Variants in STX8 observed in about 807,000 individuals in gnomAD.
STX8 encodes syntaxin 8, also known as syntaxin-8.
Under a neutral mutation model 37.5 loss-of-function variants are expected in STX8, and 23 were observed. That is an observed-to-expected ratio of 0.61 (90% CI 0.44 to 0.87). The LOEUF (loss-of-function observed/expected upper bound fraction) is 0.87. Among genes scored for constraint, STX8 ranks in the 40% least tolerant of loss-of-function variants. The pLI is 0.00. For missense variants in STX8, 313 were observed against 284.7 expected (o/e 1.10, Z -0.71); for synonymous variants, 115 against 99.1 (o/e 1.16, Z -0.95).
intron 7 of STX8, among the ~76,000 whole-genome samples, chr17:9,374,792 G>C (rs549472594): frequency 6.6e-6 from 1 of 151,946 alleles, no homozygotes; most frequent in Non-Finnish European, 1.5e-5. Context: ...GGTTGGGCGC[G>C]GTGGCTCACA....
intron 4 of STX8, among the ~76,000 whole-genome samples, chr17:9,533,067 T>C (rs988529100): frequency 2.6e-5 from 4 of 152,248 alleles, no homozygotes; most frequent in Admixed American, 1.3e-4. Flanking sequence ...AGTCAGAAGC[T>C]ACTACTTCTC....
At chr17:9,357,264 G>A (rs913556759) in intron 7 of STX8, among the ~76,000 whole-genome samples, 1 of 151,852 alleles carries the variant, frequency 6.6e-6, no homozygotes, top group African/African-American at 2.4e-5. Context: ...CACTGCGCCC[G>A]GCCCTTCTAA....
chr17:9,375,994 G>A (rs770584826), intron 7 of STX8, among the ~76,000 whole-genome samples: 2 of 152,100 alleles, frequency 1.3e-5, no homozygotes, highest in Non-Finnish European at 2.9e-5. Flanking sequence ...GGGGGAGGTG[G>A]CCAGCACTGG....
rs962138577 is a variant in STX8 at position 9,269,416 on chromosome 17, G to A, written c.644-18771C>T. 3.3e-5 allele frequency among the ~76,000 whole-genome samples: 5 copies of A among 152,280 alleles called. No individual in the cohort carries two copies. In the East Asian group the frequency reaches 9.7e-4, roughly 29 times the overall value. On this transcript the variant is annotated intron_variant, in intron 7 of 7. Transcript: ENST00000306357. ...TGATGGCCACAGCTGAGTGTCAGAG[G>A]TTACATATTAGCATGTTCAAGCCTA... is the stretch of plus-strand genomic sequence containing the variant.
chr17:9,563,395 G>A (rs946272843), intron 2 of STX8, among the ~76,000 whole-genome samples: 5 of 151,938 alleles, frequency 3.3e-5, no homozygotes, highest in African/African-American at 4.8e-5. Context: ...TGTTGGCCAG[G>A]CTTGTCCCAA....
chr17:9,275,461 ACTTCT>A (rs1396137862), intron 7 of STX8, among the ~76,000 whole-genome samples: 1 of 152,120 alleles, frequency 6.6e-6, no homozygotes, highest in Non-Finnish European at 1.5e-5. Context: ...TACACCAGCA[ACTTCT>A]CTTTACTTAG....
chr17:9,520,960 G>A (rs557891153), intron 4 of STX8, among the ~76,000 whole-genome samples: 3 of 152,206 alleles, frequency 2.0e-5, no homozygotes, highest in Non-Finnish European at 2.9e-5. Context: ...TATTTCTGGG[G>A]TGTGAGTGAG....
intron 5 of STX8, among the ~76,000 whole-genome samples, chr17:9,496,145 G>A (rs1250881985): frequency 1.3e-5 from 2 of 150,420 alleles, no homozygotes; most frequent in Non-Finnish European, 2.9e-5. Flanking sequence ...GCATGATCTC[G>A]GCTCACTGTA....
chr17:9,490,040 TA>T (rs2142473203), intron 6 of STX8, among the ~76,000 whole-genome samples: 1 of 152,270 alleles, frequency 6.6e-6, no homozygotes, highest in Non-Finnish European at 1.5e-5. Context: ...AACTGACCAA[TA>T]ACTGAATTAT....
chr17:9,552,206 G>T (rs1906791011), intron 3 of STX8, among the ~76,000 whole-genome samples: 1 of 152,052 alleles, frequency 6.6e-6, no homozygotes, highest in Admixed American at 6.6e-5. Context: ...GCTGGGCATG[G>T]TGGCATACAC....
chr17:9,454,390 C>T (rs1399631039), intron 6 of STX8, among the ~76,000 whole-genome samples: 1 of 152,094 alleles, frequency 6.6e-6, no homozygotes, highest in Non-Finnish European at 1.5e-5. Context: ...AACTTATGGG[C>T]CGGGCTGGCC....
chr17:9,498,022 G>A (rs1904469736), intron 5 of STX8, among the ~76,000 whole-genome samples: 1 of 152,156 alleles, frequency 6.6e-6, no homozygotes, highest in Non-Finnish European at 1.5e-5. Flanking sequence ...CCACAGAGAA[G>A]CAATGAACCT....
intron 6 of STX8, among the ~76,000 whole-genome samples, chr17:9,466,343 GAA>G (rs1905612612): frequency 2.0e-5 from 3 of 152,160 alleles, no homozygotes; most frequent in African/African-American, 7.2e-5. Flanking sequence ...AAATTAGATG[GAA>G]GAAACATTAA....
intron 7 of STX8, among the ~76,000 whole-genome samples, chr17:9,331,259 TA>T (rs1023489288): frequency 6.6e-6 from 1 of 152,200 alleles, no homozygotes; most frequent in East Asian, 1.9e-4. Flanking sequence ...GCAACGATAT[TA>T]AAAAATTAAT....
intron 7 of STX8, among the ~76,000 whole-genome samples, chr17:9,373,754 A>T (rs1242410229): frequency 6.6e-6 from 1 of 152,068 alleles, no homozygotes; most frequent in Non-Finnish European, 1.5e-5. Flanking sequence ...AGCCTGATTA[A>T]CATGGAGAAA....
At chr17:9,432,156 C>CA (rs1555526962) in intron 6 of STX8, among the ~76,000 whole-genome samples, 1 of 147,742 alleles carries the variant, frequency 6.8e-6, no homozygotes, top group Non-Finnish European at 1.5e-5. Flanking sequence ...TTTCACCTGG[C>CA]TTTTTTTTTT....
At chr17:9,402,189 G>A (rs944805243) in intron 6 of STX8, among the ~76,000 whole-genome samples, 7 of 151,834 alleles carry the variant, frequency 4.6e-5, no homozygotes, top group East Asian at 1.9e-4. Context: ...GCACGATCTC[G>A]GCTCACTGCA....
At chr17:9,310,618 G>A (rs1310926959) in intron 7 of STX8, among the ~76,000 whole-genome samples, 1 of 152,158 alleles carries the variant, frequency 6.6e-6, no homozygotes, top group Non-Finnish European at 1.5e-5. Context: ...TGGGAGGAGA[G>A]TGGGACAGGA....
At chr17:9,342,892 G>A (rs371812811) in intron 7 of STX8, among the ~76,000 whole-genome samples, 1 of 151,998 alleles carries the variant, frequency 6.6e-6, no homozygotes, top group Non-Finnish European at 1.5e-5. Context: ...GTGGTGGTAC[G>A]TGCCTGTAGT....
Sources: gnomAD v4.1 joint callset for allele counts (sites outside exome capture counted in the v4.1 genomes callset) on GRCh38, gnomAD v4.1.1 for gene constraint, MANE v1.5 for transcripts, NCBI Gene and HGNC (gene_info 2026-07-23, HGNC 2026-07-21) for gene names.